Variants in LIPC observed in about 807,000 individuals in gnomAD.
LIPC encodes hepatic triacylglycerol lipase.
Under a neutral mutation model 50.7 loss-of-function variants are expected in LIPC, and 44 were observed. The ratio of observed to expected loss-of-function variants is 0.87; its 90% confidence interval spans 0.68 to 1.11. The LOEUF is 1.11. Among genes scored for constraint, LIPC ranks in the 50% most tolerant of loss-of-function variants. The probability of loss-of-function intolerance (pLI) is 0.00; values close to 1 mark genes in which losing one functional copy is unlikely to be tolerated. For synonymous variants in LIPC, 271 were observed against 256.4 expected (o/e 1.06, Z -0.54); for missense variants, 697 against 648.2 (o/e 1.08, Z -0.82).
chr15:58,479,794 T>G (rs1163274648), intron 1 of LIPC, among the ~76,000 whole-genome samples: 1 of 152,200 alleles, frequency 6.6e-6, no homozygotes, highest in African/African-American at 2.4e-5. Context: ...TGTACATTTC[T>G]CCAATACCTT....
At chr15:58,520,001 G>A (rs984452039) in intron 1 of LIPC, among the ~76,000 whole-genome samples, 8 of 151,886 alleles carry the variant, frequency 5.3e-5, no homozygotes, top group Non-Finnish European at 2.9e-5. Context: ...GCAAGGGTGC[G>A]TAGAAAGAGC....
At chr15:58,486,426 C>A (rs887639058) in intron 1 of LIPC, among the ~76,000 whole-genome samples, 6 of 152,188 alleles carry the variant, frequency 3.9e-5, no homozygotes, top group Non-Finnish European at 8.8e-5. Flanking sequence ...ATGGCAAGCC[C>A]AGCAAGTATC....
rs747242608 is a variant in LIPC, at chr15:58,548,535, G to GCTCTTCCTC, written c.1015_1023dup (p.Leu339_Leu341dup). The GCTCTTCCTC allele has an allele frequency of 5.9e-5, 95 of 1,597,410 alleles. No individual in the cohort carries two copies. Among genetic ancestry groups the GCTCTTCCTC allele is most frequent in the Non-Finnish European group, 7.5e-5 (88 of 1,171,946 alleles). The stretch of plus-strand genomic sequence containing the variant: ...AGGAGCCGCGGAGCAAGAGCAAGAG[G>GCTCTTCCTC]CTCTTCCTCGTAACGCGAGCCCAGT... On this transcript the variant is annotated inframe_insertion, in exon 6 of 9. Transcript: ENST00000299022.
chr15:58,506,846 A>T (rs7183248), intron 1 of LIPC, among the ~76,000 whole-genome samples: 119,536 of 152,176 alleles, frequency 0.79, 47,256 homozygotes, highest in African/African-American at 0.88. Context: ...CGAGACTAGG[A>T]AATTTATAGA....
At chr15:58,538,549 C>G in intron 2 of LIPC, 32 bp downstream of exon 2, 1 of 1,600,382 alleles carries the variant, frequency 6.2e-7, no homozygotes, top group Non-Finnish European at 8.6e-7. Flanking sequence ...TTTTTCTCTC[C>G]GATTTCACAT....
At chr15:58,453,860 C>A (rs1340413712) in intron 1 of LIPC, among the ~76,000 whole-genome samples, 1 of 147,460 alleles carries the variant, frequency 6.8e-6, no homozygotes, top group Non-Finnish European at 1.5e-5. Flanking sequence ...CAGCAAGACC[C>A]TGTCTCAAAA....
intron 1 of LIPC, among the ~76,000 whole-genome samples, chr15:58,496,037 G>A (rs1399903992): frequency 6.6e-6 from 1 of 152,088 alleles, no homozygotes; most frequent in Non-Finnish European, 1.5e-5. Context: ...TGACCACATA[G>A]CTCCCTGCTG....
intron 6 of LIPC, among the ~76,000 whole-genome samples, 170 bp downstream of exon 6, chr15:58,548,742 C>T (rs1443123065): frequency 6.6e-6 from 1 of 152,178 alleles, no homozygotes; most frequent in African/African-American, 2.4e-5. Flanking sequence ...TTCTCCTGTC[C>T]CAAGAGTGTG....
intron 1 of LIPC, 45 bp downstream of exon 1, chr15:58,432,165 T>C: frequency 7.3e-7 from 1 of 1,373,462 alleles, no homozygotes; most frequent in Non-Finnish European, 1.0e-6. Context: ...AACTTTTCTT[T>C]TTAAAACGTG....
intron 1 of LIPC, among the ~76,000 whole-genome samples, chr15:58,445,363 T>G (rs1893657071): frequency 6.6e-6 from 1 of 152,218 alleles, no homozygotes; most frequent in Non-Finnish European, 1.5e-5. Flanking sequence ...ACAGGCTGGC[T>G]TCAGCCAGGG....
At chr15:58,567,229 A>T (rs1434254787) in intron 8 of LIPC, among the ~76,000 whole-genome samples, 2 of 141,196 alleles carry the variant, frequency 1.4e-5, no homozygotes, top group African/African-American at 2.6e-5. Context: ...ATATATATAT[A>T]TGTATATATG....
Position 58,542,549 on chromosome 15 carries a change from T to C in LIPC, c.472T>C (p.Ser158Pro), listed in dbSNP as rs1186533559. The change falls in exon 4 of 9, where the codon TCT becomes CCT. Residue 158 changes from serine (S) to proline (P), a missense_variant. Coordinates refer to ENST00000299022, the MANE Select transcript of LIPC (RefSeq NM_000236.3). The part of the protein sequence containing the change: ...LRWLEESVQL[S>P]RSHVHLIGYS... Reference sequence around the variant, plus strand: ...TGTCTTCCAGGAATCTGTGCAACTCTCTCGAAGCCATGTTCACCTAATTGG... The same window carrying C: ...TGTCTTCCAGGAATCTGTGCAACTCCCTCGAAGCCATGTTCACCTAATTGG... The C allele has an allele frequency of 1.2e-6, 2 of 1,612,414 alleles. No homozygotes were observed. The highest frequency in any genetic ancestry group is 1.7e-6 in the Non-Finnish European group (2 of 1,178,664).
chr15:58,495,191 T>G (rs537717536), intron 1 of LIPC, among the ~76,000 whole-genome samples: 7 of 152,330 alleles, frequency 4.6e-5, no homozygotes, highest in Admixed American at 2.6e-4. Flanking sequence ...CTCTCATCCT[T>G]GACTGCAGTG....
chr15:58,562,213 C>T (rs1894189699), intron 7 of LIPC, among the ~76,000 whole-genome samples: 1 of 152,194 alleles, frequency 6.6e-6, no homozygotes, highest in Middle Eastern at 3.2e-3. Context: ...AAGCCCGAAC[C>T]CTCACGTCCC....
At chr15:58,438,682 G>A (rs1438204723) in intron 1 of LIPC, among the ~76,000 whole-genome samples, 3 of 152,156 alleles carry the variant, frequency 2.0e-5, no homozygotes, top group African/African-American at 7.2e-5. Context: ...GGAGGAGTCA[G>A]GGCGCCCACC....
chr15:58,452,733 G>A (rs1474467969), intron 1 of LIPC, among the ~76,000 whole-genome samples: 1 of 138,152 alleles, frequency 7.2e-6, no homozygotes, highest in African/African-American at 2.6e-5. Context: ...GGTGGAGTGG[G>A]ATGGGGTGGG....
chr15:58,566,258 C>A (rs1490207602), intron 8 of LIPC: 2 of 985,322 alleles, frequency 2.0e-6, no homozygotes, highest in African/African-American at 3.5e-5. Context: ...CTGCAACATG[C>A]TTTGAGGAGG....
intron 1 of LIPC, among the ~76,000 whole-genome samples, chr15:58,512,095 T>A (rs1286108784): frequency 6.6e-6 from 1 of 152,032 alleles, no homozygotes; most frequent in Non-Finnish European, 1.5e-5. Flanking sequence ...TTTCTTTTTT[T>A]TCTTTTTCTT....
At chr15:58,441,024 G>A (rs980151381) in intron 1 of LIPC, among the ~76,000 whole-genome samples, 3 of 152,166 alleles carry the variant, frequency 2.0e-5, no homozygotes, top group Non-Finnish European at 4.4e-5. Flanking sequence ...TTTTTAAAAG[G>A]CTGCCTTTCC....
Sources: allele counts gnomAD v4.1 joint callset (sites outside exome capture counted in the v4.1 genomes callset), GRCh38; gene constraint gnomAD v4.1.1; transcripts MANE v1.5; gene names NCBI Gene and HGNC (gene_info 2026-07-23, HGNC 2026-07-21).